GABRG3: variants seen among roughly 807,000 people sequenced by gnomAD.
The protein encoded by GABRG3 is gamma-aminobutyric acid type A receptor subunit gamma3.
A neutral mutation model predicts 48.8 loss-of-function variants in GABRG3; 25 were observed. That is an observed-to-expected ratio of 0.51 (90% CI 0.37 to 0.72). GABRG3 has a LOEUF of 0.72. GABRG3 is among the 30% of genes least tolerant of loss of function. The pLI, the probability that GABRG3 is intolerant of heterozygous loss-of-function variation, is 0.00. For missense variants in GABRG3, 394 were observed against 577.9 expected (o/e 0.68, Z 3.26); for synonymous variants, 227 against 217.6 (o/e 1.04, Z -0.38).
At chr15:27,011,524 A>G (rs1043158324) in intron 2 of GABRG3, among the ~76,000 whole-genome samples, 4 of 152,174 alleles carry the variant, frequency 2.6e-5, no homozygotes, top group Non-Finnish European at 5.9e-5. Flanking sequence ...CCAATCTGCT[A>G]GTTTAGCCTA....
intron 3 of GABRG3, among the ~76,000 whole-genome samples, chr15:27,153,869 A>G (rs150363398): frequency 4.1e-4 from 62 of 152,288 alleles, no homozygotes; most frequent in African/African-American, 1.5e-3. Flanking sequence ...TATCTGAATC[A>G]TTCTACTCCG....
intron 5 of GABRG3, among the ~76,000 whole-genome samples, chr15:27,455,657 G>A (rs1477965827): frequency 2.9e-5 from 4 of 139,988 alleles, no homozygotes; most frequent in Non-Finnish European, 6.1e-5. Context: ...TGTGTGTGAT[G>A]TGTGTGTGTA....
chr15:27,305,626 T>A (rs1186334206), intron 3 of GABRG3, among the ~76,000 whole-genome samples: 1 of 139,200 alleles, frequency 7.2e-6, no homozygotes, highest in Non-Finnish European at 1.5e-5. Flanking sequence ...AACATATATA[T>A]AATATAAACC....
At chr15:27,271,887 T>A (rs1891102591) in intron 3 of GABRG3, among the ~76,000 whole-genome samples, 1 of 152,218 alleles carries the variant, frequency 6.6e-6, no homozygotes, top group South Asian at 2.1e-4. Context: ...GTGGCTTAAT[T>A]GCATAAGTAT....
At position 27,215,525 on chromosome 15, in the gene GABRG3, A is replaced by T. The variant is rs117408347; in HGVS notation, c.271-111284A>T. 1.8e-3 allele frequency among the ~76,000 whole-genome samples: 271 copies of T among 152,298 alleles called. 5 individuals carry two copies. In the South Asian group the frequency reaches 0.022, roughly 12 times the overall value. On this transcript the variant is annotated intron_variant, in intron 3 of 9. Transcript: ENST00000615808. ...TTTAGGCTCTATGTCTAACCTTAAT[A>T]GATTGTTCTAACCTCTTCCTGAACA...
At chr15:27,336,307 G>A (rs996629384) in intron 5 of GABRG3, among the ~76,000 whole-genome samples, 2 of 150,014 alleles carry the variant, frequency 1.3e-5, no homozygotes, top group Non-Finnish European at 3.0e-5. Context: ...AGAAGGAGAA[G>A]GAGAAGAAAA....
chr15:27,177,025 CA>C (rs1887768295), intron 3 of GABRG3, among the ~76,000 whole-genome samples: 2 of 152,074 alleles, frequency 1.3e-5, no homozygotes, highest in East Asian at 3.9e-4. Context: ...AGTGGGAGGA[CA>C]AGAGATATTT....
chr15:27,243,312 T>C (rs1890183293), intron 3 of GABRG3, among the ~76,000 whole-genome samples: 1 of 152,190 alleles, frequency 6.6e-6, no homozygotes, highest in Non-Finnish European at 1.5e-5. Flanking sequence ...AAGCAAATGT[T>C]ATGTTTGATT....
intron 5 of GABRG3, among the ~76,000 whole-genome samples, chr15:27,444,760 ACTCT>A (rs1381677034): frequency 2.0e-5 from 3 of 151,908 alleles, no homozygotes; most frequent in Non-Finnish European, 4.4e-5. Flanking sequence ...GTTTACTTTC[ACTCT>A]CTATTGGGAG....
rs564854894 is a variant in GABRG3 at position 27,347,231 on chromosome 15, C to G, written c.574+18343C>G. Reference sequence around the variant, plus strand: ...ATAGAGTCTGCATCTTGCAGTGCTTCCAGCATTAATCCCCTTTACTATCCT... The same window carrying G: ...ATAGAGTCTGCATCTTGCAGTGCTTGCAGCATTAATCCCCTTTACTATCCT... On this transcript the variant is annotated intron_variant, in intron 5 of 9. Transcript: ENST00000615808. 3.2e-4 allele frequency among the ~76,000 whole-genome samples: 48 copies of G among 152,320 alleles called. 1 individual carries two copies. Among genetic ancestry groups the G allele is most frequent in the African/African-American group, 1.2e-3 (48 of 41,566 alleles).
At position 27,469,298 on chromosome 15, in the gene GABRG3, T is replaced by A. The variant is rs1344407602; in HGVS notation, c.575-11352T>A. Among the ~76,000 whole-genome samples the A allele has an allele frequency of 4.6e-5, 7 of 152,330 alleles. No homozygotes were observed. The South Asian group carries it at 6.2e-4, about 14-fold the overall frequency. On this transcript the variant is annotated intron_variant, in intron 5 of 9. Coordinates refer to ENST00000615808, the MANE Select transcript of GABRG3 (RefSeq NM_033223.5). ...AGCAGTACCAGTCAAGATCTACACA[T>A]CACATCCTGCTAATACTTCTCTCAA...
chr15:27,133,195 C>T (rs1897950515), intron 3 of GABRG3, among the ~76,000 whole-genome samples: 1 of 151,934 alleles, frequency 6.6e-6, no homozygotes, highest in Non-Finnish European at 1.5e-5. Context: ...TGAATATGAT[C>T]ATCCTTCCAT....
intron 3 of GABRG3, among the ~76,000 whole-genome samples, chr15:27,277,198 T>C (rs1891284576): frequency 6.6e-6 from 1 of 152,160 alleles, no homozygotes. Context: ...ACAACTTCAT[T>C]TTATTTTCCT....
chr15:27,523,790 A>G (rs1269526138), intron 7 of GABRG3, among the ~76,000 whole-genome samples: 1 of 151,938 alleles, frequency 6.6e-6, no homozygotes, highest in Non-Finnish European at 1.5e-5. Flanking sequence ...ACCATGAGAT[A>G]GAACAACAAA....
chr15:27,221,343 G>A (rs1889447686), intron 3 of GABRG3, among the ~76,000 whole-genome samples: 1 of 151,968 alleles, frequency 6.6e-6, no homozygotes, highest in African/African-American at 2.4e-5. Flanking sequence ...TTCCCCATGC[G>A]TTATTAGTTT....
intron 3 of GABRG3, among the ~76,000 whole-genome samples, chr15:27,165,280 G>C (rs1595561858): frequency 6.6e-6 from 1 of 152,094 alleles, no homozygotes; most frequent in African/African-American, 2.4e-5. Flanking sequence ...CCAGCATTGG[G>C]CAGTGCTGGC....
intron 3 of GABRG3, among the ~76,000 whole-genome samples, chr15:27,144,258 C>A (rs532734583): frequency 8.1e-4 from 124 of 152,290 alleles, no homozygotes; most frequent in African/African-American, 2.8e-3. Flanking sequence ...TCATGACCCC[C>A]TCCCCAGCTC....
At chr15:26,985,735 C>G (rs1010602897) in intron 2 of GABRG3, among the ~76,000 whole-genome samples, 4 of 152,094 alleles carry the variant, frequency 2.6e-5, no homozygotes, top group South Asian at 2.1e-4. Context: ...TATGTTGGAA[C>G]GCCCTGTTTA....
chr15:27,440,974 T>C (rs1283634741), intron 5 of GABRG3, among the ~76,000 whole-genome samples: 1 of 152,192 alleles, frequency 6.6e-6, no homozygotes, highest in East Asian at 1.9e-4. Context: ...ACTTTAAAGT[T>C]GCTACTCATC....
Sources: allele counts gnomAD v4.1 joint callset (sites outside exome capture counted in the v4.1 genomes callset), GRCh38; gene constraint gnomAD v4.1.1; transcripts MANE v1.5; gene names NCBI Gene and HGNC (gene_info 2026-07-23, HGNC 2026-07-21).